Variants in DMD observed in about 807,000 individuals in gnomAD.
DMD encodes mutant dystrophin.
DMD carries 63 observed loss-of-function variants against 330.1 expected under a neutral mutation model. The ratio of observed to expected loss-of-function variants is 0.19; its 90% CI spans 0.16 to 0.24. The LOEUF (loss-of-function observed/expected upper bound fraction) is 0.24. Ranked by LOEUF, DMD falls within the 10% of genes least tolerant of loss-of-function variation. The probability of loss-of-function intolerance (pLI) is 1.00; values close to 1 mark genes in which losing one functional copy is unlikely to be tolerated. For synonymous variants in DMD, 1,223 were observed against 959.8 expected, an observed-to-expected ratio of 1.27 and a Z score of -5.07; for missense variants, 3,344 against 2,684.1, an observed-to-expected ratio of 1.25 and a Z score of -5.43.
At chrX:31,657,758 A>G (rs986628043) in intron 54 of DMD, among the ~76,000 whole-genome samples, 2 of 111,697 alleles carry the variant, frequency 1.8e-5, no homozygotes, top group African/African-American at 6.5e-5. Flanking sequence ...CTTTTTGTTT[A>G]ATCTCTTGGT....
chrX:31,990,662 C>T lies in DMD; in HGVS notation c.6439-22148G>A, dbSNP rs140116169. Among the ~76,000 whole-genome samples, 102 of 112,023 alleles carry T rather than the reference C, an allele frequency of 9.1e-4. No individual in the cohort carries two copies. The East Asian group carries it at 0.019, about 20-fold the overall frequency. On this transcript the variant is annotated intron_variant, in intron 44 of 78. Coordinates refer to ENST00000357033, the MANE Select transcript of DMD (RefSeq NM_004006.3). ...AATAGTTCAATTACTCAATTTCATG[C>T]GGTACAGTTTTAACATTGCTAGTAC...
At chrX:32,913,552 G>A (rs1191413656) in intron 2 of DMD, among the ~76,000 whole-genome samples, 1 of 112,037 alleles carries the variant, frequency 8.9e-6, no homozygotes, top group African/African-American at 3.2e-5. Context: ...CTTGAGACAC[G>A]TTGTCAAAGA....
At position 31,627,366 on chromosome X, in the gene DMD, T is replaced by C. The variant is rs761997485; in HGVS notation, c.8217+307A>G. Among the ~76,000 whole-genome samples the C allele has an allele frequency of 4.4e-5, 5 of 112,848 alleles. No individual in the cohort carries two copies. The Admixed American group carries it at 4.7e-4, about 11-fold the overall frequency. On this transcript the variant is annotated intron_variant, in intron 55 of 78. Coordinates refer to ENST00000357033, the MANE Select transcript of DMD (RefSeq NM_004006.3). The stretch of plus-strand genomic sequence containing the variant: ...CACTCAAAAATGTCAACTTTTAAAA[T>C]TTAATAAACCAATCCCTAAGTTATT...
rs773674283 is a variant in DMD, at chrX:32,364,597, T to C, written c.5139A>G (p.Lys1713=). Residue 1713 remains lysine (K), a synonymous_variant, in exon 36 of 79, where the codon AAA becomes AAG. Transcript: ENST00000357033. ...TATTTGCTACCTTAAGCACGTCTTC[T>C]TTTTGCTGGGGTTTCTTTTTCTCTG... The part of the protein sequence containing the change: ...DESEKKKPQQ[K]EDVLKRLKAE... The C allele has an allele frequency of 8.3e-7, 1 of 1,211,194 alleles. No homozygotes were observed. The highest frequency in any genetic ancestry group is 3.0e-5 in the East Asian group (1 of 33,772).
At chrX:32,728,765 G>A (rs1023510992) in intron 7 of DMD, among the ~76,000 whole-genome samples, 1 of 111,760 alleles carries the variant, frequency 8.9e-6, no homozygotes, top group Non-Finnish European at 1.9e-5. Context: ...CTTGGCTTCA[G>A]TGAGAACTTC....
intron 12 of DMD, among the ~76,000 whole-genome samples, chrX:32,610,120 C>T (rs529134463): frequency 2.7e-5 from 3 of 111,228 alleles, no homozygotes; most frequent in African/African-American, 6.5e-5. Context: ...TAAATTCTAC[C>T]CCTTAAGACA....
In DMD at chrX:31,984,933, A is replaced by C. The variant is rs186852708; in HGVS notation, c.6439-16419T>G. Among the ~76,000 whole-genome samples the C allele has an allele frequency of 4.2e-4, 47 of 112,090 alleles. No individual in the cohort carries two copies. The East Asian group carries it at 9.8e-3, about 23-fold the overall frequency. Reference sequence around the variant, plus strand: ...ATGATTTATCTCAATATGTTTTTGCAGTAACAGGTCATACTGAAACAATGA... The same window carrying C: ...ATGATTTATCTCAATATGTTTTTGCCGTAACAGGTCATACTGAAACAATGA... On this transcript the variant is annotated intron_variant, in intron 44 of 78. Coordinates refer to ENST00000357033, the MANE Select transcript of DMD (RefSeq NM_004006.3).
At chrX:32,683,998 CACACACACACACACATACAT>C (rs1193427224) in intron 9 of DMD, among the ~76,000 whole-genome samples, 1,847 of 82,961 alleles carry the variant, frequency 0.022, 53 homozygotes, top group African/African-American at 0.15. Flanking sequence ...ACATACAAAA[CACACACACACACACATACAT>C]ACACACACAC....
chrX:32,807,536 T>A (rs1437070975), intron 7 of DMD, among the ~76,000 whole-genome samples: 1 of 111,579 alleles, frequency 9.0e-6, no homozygotes, highest in Non-Finnish European at 1.9e-5. Context: ...GGTGATCTTA[T>A]AGGATATACA....
intron 43 of DMD, among the ~76,000 whole-genome samples, chrX:32,275,595 G>A (rs1465148096): frequency 1.8e-5 from 2 of 111,903 alleles, no homozygotes; most frequent in African/African-American, 3.2e-5. Context: ...AGGTGAACTG[G>A]TAAGTGTTTT....
At chrX:32,329,503 C>A (rs1005576418) in intron 41 of DMD, among the ~76,000 whole-genome samples, 20 of 111,417 alleles carry the variant, frequency 1.8e-4, no homozygotes, top group African/African-American at 4.6e-4. Context: ...TTAGGGAGGC[C>A]AATATATGAA....
At chrX:33,161,068 C>T (rs1047520417) in intron 1 of DMD, among the ~76,000 whole-genome samples, 8 of 111,687 alleles carry the variant, frequency 7.2e-5, no homozygotes, top group East Asian at 5.6e-4. Flanking sequence ...AAATACGTCA[C>T]GTATCTCATT....
In DMD at chrX:32,451,102, C is replaced by T. The variant is rs6631586; in HGVS notation, c.3604-2464G>A. Among the ~76,000 whole-genome samples the T allele has an allele frequency of 2.0e-3, 214 of 109,444 alleles. 3 individuals are homozygous for T. In the South Asian group the frequency reaches 0.052, roughly 26 times the overall value. ...TCTTTCATTGCTAGGATTTCACACC[C>T]GTGCTTCTTAAAGTGAGCACCCTTG... On this transcript the variant is annotated intron_variant, in intron 26 of 78. Transcript: ENST00000357033.
At chrX:32,407,664 A>T (rs1183633699) in intron 30 of DMD, among the ~76,000 whole-genome samples, 2 of 110,796 alleles carry the variant, frequency 1.8e-5, no homozygotes, top group African/African-American at 6.6e-5. Flanking sequence ...CTATAAAGAC[A>T]CATGCACACG....
At chrX:31,453,320 C>T (rs147299353) in intron 59 of DMD, among the ~76,000 whole-genome samples, 1 of 110,671 alleles carries the variant, frequency 9.0e-6, no homozygotes, top group Non-Finnish European at 1.9e-5. Context: ...CACCACCACG[C>T]CCAGCTAATT....
intron 60 of DMD, chrX:31,435,485 C>T: frequency 9.0e-6 from 1 of 111,693 alleles, no homozygotes; most frequent in Non-Finnish European, 1.9e-5. Context: ...GACATTATAG[C>T]ATTTATAAAA....
At chrX:31,376,120 G>A (rs184640710) in intron 60 of DMD, among the ~76,000 whole-genome samples, 5 of 112,063 alleles carry the variant, frequency 4.5e-5, no homozygotes, top group African/African-American at 1.3e-4. Context: ...TCTCTCATGA[G>A]CTGAAATCAC....
At chrX:31,922,525 T>TGTGTGTGTGTGTGTGTGTGTGCGCGCGC (rs773093542) in intron 47 of DMD, among the ~76,000 whole-genome samples, 2 of 106,361 alleles carry the variant, frequency 1.9e-5, no homozygotes, top group African/African-American at 6.9e-5. Context: ...TGTGTGTGTG[T>TGTGTGTGTGTGTGTGTGTGTGCGCGCGC]GCGCGCGCGT....
At chrX:32,655,776 G>A (rs2060522320) in intron 9 of DMD, among the ~76,000 whole-genome samples, 1 of 111,323 alleles carries the variant, frequency 9.0e-6, no homozygotes, top group Non-Finnish European at 1.9e-5. Context: ...GGGAGTCTAA[G>A]TCTCTTTGTA....
Sources: allele counts gnomAD v4.1 joint callset (sites outside exome capture counted in the v4.1 genomes callset), GRCh38; gene constraint gnomAD v4.1.1; transcripts MANE v1.5; gene names NCBI Gene and HGNC (gene_info 2026-07-23, HGNC 2026-07-21).